SCARA3: variants seen among roughly 807,000 people sequenced by gnomAD.
SCARA3 encodes cellular stress response gene protein.
SCARA3 carries 39 observed loss-of-function variants against 47.0 expected under a neutral mutation model. The observed-to-expected ratio is 0.83, with a 90% CI of 0.64 to 1.08. SCARA3 has a LOEUF of 1.08. Ranked by LOEUF, SCARA3 falls within the 50% of genes least tolerant of loss-of-function variation. SCARA3 has a pLI of 0.00. For synonymous variants in SCARA3, 356 were observed against 334.1 expected, an observed-to-expected ratio of 1.07 and a Z score of -0.71; for missense variants, 724 against 792.3, an observed-to-expected ratio of 0.91 and a Z score of 1.04.
rs770196500 is a variant in SCARA3, at chr8:27,659,216, G to A, written c.1046G>A (p.Arg349His). The change falls in exon 5 of 6, where the codon CGC (arginine) becomes CAC (histidine). Residue 349 changes from arginine to histidine, a missense_variant. Transcript: ENST00000301904. ...TVERFESLEG[R>H]MASHEIEIGT... ...GAGAGGTTTGAGTCTCTGGAAGGACGCATGGCTTCTCACGAGATTGAAATT... is the reference window on the plus strand; with the variant it reads ...GAGAGGTTTGAGTCTCTGGAAGGACACATGGCTTCTCACGAGATTGAAATT... 3.1e-6 allele frequency: 5 copies of A among 1,614,132 alleles called. No individual in the cohort carries two copies. Among genetic ancestry groups the A allele is most frequent in the South Asian group, 2.2e-5 (2 of 91,050 alleles).
the SCARA3 span, among the ~76,000 whole-genome samples, chr8:27,710,187 G>T: frequency 6.8e-6 from 1 of 146,686 alleles, no homozygotes; most frequent in Non-Finnish European, 1.5e-5. Context: ...CTGAGATGGT[G>T]CCACTGCACT....
chr8:27,666,447 C>G (rs981289498), intron 5 of SCARA3, among the ~76,000 whole-genome samples: 1 of 152,188 alleles, frequency 6.6e-6, no homozygotes, highest in Non-Finnish European at 1.5e-5. Flanking sequence ...ACTAGTCCAT[C>G]GTAAGCAGAA....
At chr8:27,645,518 C>T (rs137857634) in intron 1 of SCARA3, among the ~76,000 whole-genome samples, 68 of 152,370 alleles carry the variant, frequency 4.5e-4, no homozygotes, top group African/African-American at 1.3e-3. Flanking sequence ...TGCAGACACT[C>T]AAATGCGTGT....
the SCARA3 span, among the ~76,000 whole-genome samples, chr8:27,700,371 C>A: frequency 2.0e-5 from 3 of 152,138 alleles, no homozygotes; most frequent in Admixed American, 2.0e-4. Context: ...CTTTGGGAGG[C>A]CGAGATGGGC....
In SCARA3 at chr8:27,672,864, C is replaced by T; in HGVS notation, c.*1513C>T. Reference sequence around the variant, plus strand: ...TCCCAACACGGACCCAGAGAGCAGCCCTTCCCTGCTCAAAGCCTTTCCGCA... The same window carrying T: ...TCCCAACACGGACCCAGAGAGCAGCTCTTCCCTGCTCAAAGCCTTTCCGCA... On this transcript the variant is annotated 3_prime_UTR_variant, in exon 6 of 6. Transcript: ENST00000301904. The T allele has an allele frequency of 1.0e-6, 1 of 985,670 alleles. No individual in the cohort carries two copies. The highest frequency in any genetic ancestry group is 4.7e-5 in the South Asian group (1 of 21,286). 61.1% of individuals were successfully genotyped at this position (985,670 alleles called of 1,614,324 possible). A position where few individuals can be genotyped will look rare whatever the true frequency, so the allele number is the denominator to read the frequency against.
Position 27,671,271 on chromosome 8 carries a change from C to G in SCARA3, c.1741C>G (p.Pro581Ala), listed in dbSNP as rs911262440. The change falls in exon 6 of 6, where the codon CCT (proline) becomes GCT (alanine). Residue 581 changes from proline to alanine, a missense_variant. Physicochemically the swap from Pro to Ala is conservative, Grantham distance 27 (BLOSUM62 -1). Transcript: ENST00000301904. ...GSPGQRGAMG[P>A]KGEPGIQGPP... ...ACCAGGCCAGCGGGGGGCCATGGGGCCTAAGGGTGAACCAGGGATCCAGGG... is the reference window on the plus strand; with the variant it reads ...ACCAGGCCAGCGGGGGGCCATGGGGGCTAAGGGTGAACCAGGGATCCAGGG... The G allele has an allele frequency of 2.1e-6, 3 of 1,459,522 alleles. No individual in the cohort carries two copies. The highest frequency in any genetic ancestry group is 2.7e-6 in the Non-Finnish European group (3 of 1,107,850). 90.4% of individuals were successfully genotyped at this position (1,459,522 alleles called of 1,614,324 possible).
chr8:27,665,976 C>T (rs1802007184), intron 5 of SCARA3, among the ~76,000 whole-genome samples: 1 of 152,200 alleles, frequency 6.6e-6, no homozygotes, highest in Non-Finnish European at 1.5e-5. Context: ...GGGCAAGATA[C>T]AAAGGGATTC....
chr8:27,636,477 A>C (rs1458224882), intron 1 of SCARA3, among the ~76,000 whole-genome samples: 1 of 152,186 alleles, frequency 6.6e-6, no homozygotes, highest in Non-Finnish European at 1.5e-5. Flanking sequence ...CAGGGCCAAA[A>C]TCCTGTGAAA....
chr8:27,650,575 G>T (rs1171707072), intron 2 of SCARA3, among the ~76,000 whole-genome samples: 1 of 152,180 alleles, frequency 6.6e-6, no homozygotes, highest in Non-Finnish European at 1.5e-5. Context: ...TTCCTATTTG[G>T]CCTGGAGTGT....
chr8:27,659,848 TAAAAAAAAAAAAA>T (rs1164812144), intron 5 of SCARA3, among the ~76,000 whole-genome samples: 1 of 40,356 alleles, frequency 2.5e-5, no homozygotes, highest in African/African-American at 1.3e-4. Flanking sequence ...AGTCCTTATC[TAAAAAAAAAAAAA>T]AAAAAAAAAA....
At chr8:27,695,247 A>G in the SCARA3 span, among the ~76,000 whole-genome samples, 6 of 152,164 alleles carry the variant, frequency 3.9e-5, no homozygotes, top group Non-Finnish European at 5.9e-5. Flanking sequence ...ACTAACTAAA[A>G]CCAAGCCCTG....
downstream of SCARA3, among the ~76,000 whole-genome samples, chr8:27,677,545 T>C (rs1174608593): frequency 6.6e-6 from 1 of 152,162 alleles, no homozygotes; most frequent in Non-Finnish European, 1.5e-5. Flanking sequence ...AATCGATAGC[T>C]TAAAAGTAAA....
At chr8:27,680,870 A>T (rs145989246), downstream of SCARA3, among the ~76,000 whole-genome samples, 906 of 152,266 alleles carry the variant, frequency 6.0e-3, 12 homozygotes, top group African/African-American at 0.021. Flanking sequence ...ATAGTTTGTC[A>T]TATGTACAGA....
downstream of SCARA3, among the ~76,000 whole-genome samples, chr8:27,676,377 A>T (rs542473447): frequency 6.0e-4 from 92 of 152,300 alleles, 1 homozygote; most frequent in Middle Eastern, 3.4e-3. Context: ...TGGCAGCAGG[A>T]GTGTGCTTCT....
chr8:27,732,757 A>G, the SCARA3 span, among the ~76,000 whole-genome samples: 2 of 152,234 alleles, frequency 1.3e-5, no homozygotes, highest in Non-Finnish European at 2.9e-5. Context: ...TGCCCTGACT[A>G]GAAATGCAAA....
At position 27,672,317 on chromosome 8, in the gene SCARA3, G is replaced by T; in HGVS notation, c.*966G>T. The stretch of plus-strand genomic sequence containing the variant: ...CAAGCAGGAGTTTCATCTGCATGGG[G>T]GCACTCTGCAGGCCCTGGAACATTG... On this transcript the variant is annotated 3_prime_UTR_variant, in exon 6 of 6. Coordinates refer to ENST00000301904, the MANE Select transcript of SCARA3 (RefSeq NM_016240.3). 1.0e-6 allele frequency: 1 copy of T among 985,504 alleles called. No homozygotes were observed. Among genetic ancestry groups the T allele is most frequent in the Non-Finnish European group, 1.2e-6 (1 of 829,970 alleles). The allele number at this position is 985,504 out of a possible 1,614,324, so 61.0% of individuals were successfully genotyped here.
At chr8:27,688,918 A>G in the SCARA3 span, among the ~76,000 whole-genome samples, 2 of 152,146 alleles carry the variant, frequency 1.3e-5, no homozygotes, top group East Asian at 3.8e-4. Context: ...TTTCAACTGT[A>G]CATACATGCG....
At chr8:27,715,824 T>TGATAGATAGATAGATAGATGATA in the SCARA3 span, among the ~76,000 whole-genome samples, 3 of 118,836 alleles carry the variant, frequency 2.5e-5, no homozygotes, top group Non-Finnish European at 5.5e-5. The surrounding 1 kb of genome is among the most constrained non-coding windows in gnomAD (Gnocchi z 4.2). Context: ...GATAGATAGA[T>TGATAGATAGATAGATAGATGATA]GATAGATAGA....
At chr8:27,643,167 G>C (rs1242719087) in intron 1 of SCARA3, among the ~76,000 whole-genome samples, 1 of 152,220 alleles carries the variant, frequency 6.6e-6, no homozygotes, top group Non-Finnish European at 1.5e-5. Context: ...GCACCACCTG[G>C]AATAGGGTCC....
Sources: allele counts gnomAD v4.1 joint callset (sites outside exome capture counted in the v4.1 genomes callset), GRCh38; gene constraint gnomAD v4.1.1; non-coding constraint Gnocchi (gnomAD v3.1); transcripts MANE v1.5; gene names NCBI Gene and HGNC (gene_info 2026-07-23, HGNC 2026-07-21).